Variants in KAZN observed in about 807,000 individuals in gnomAD.
The protein encoded by KAZN is kazrin, periplakin interacting protein.
Under a neutral mutation model 87.4 loss-of-function variants are expected in KAZN, and 40 were observed. The observed-to-expected ratio is 0.46, with a 90% CI of 0.36 to 0.60. The LOEUF is 0.60. Ranked by LOEUF, KAZN falls within the 20% of genes least tolerant of loss-of-function variation. The pLI is 0.00. For synonymous variants in KAZN, 466 were observed against 458.3 expected, an observed-to-expected ratio of 1.02 and a Z score of -0.22; for missense variants, 898 against 1,073.9, an observed-to-expected ratio of 0.84 and a Z score of 2.29.
intron 2 of KAZN, among the ~76,000 whole-genome samples, chr1:14,216,797 A>G (rs1011523621): frequency 1.3e-5 from 2 of 152,038 alleles, no homozygotes; most frequent in Admixed American, 6.6e-5. Context: ...CCAGCTACTC[A>G]GGAGGCTGAG....
chr1:14,682,824 G>T (rs188218246), intron 1 of KAZN, among the ~76,000 whole-genome samples: 1 of 152,182 alleles, frequency 6.6e-6, no homozygotes. Context: ...TCCACACAAG[G>T]TAGATGCTAC....
chr1:14,997,871 GGCA>G (rs1473184904), intron 2 of KAZN, among the ~76,000 whole-genome samples: 1 of 152,164 alleles, frequency 6.6e-6, no homozygotes, highest in East Asian at 1.9e-4. Context: ...TGTGGCTTTG[GGCA>G]AGTTGCTTAA....
At chr1:14,157,609 C>A (rs11587477) in intron 1 of KAZN, among the ~76,000 whole-genome samples, 71,211 of 151,888 alleles carry the variant, frequency 0.47, 17,007 homozygotes, top group African/African-American at 0.56. Context: ...TATTGGGGCC[C>A]CATTGTATGT....
intron 1 of KAZN, among the ~76,000 whole-genome samples, chr1:14,615,358 C>T (rs768346897): frequency 7.2e-5 from 11 of 152,108 alleles, no homozygotes; most frequent in African/African-American, 2.4e-4. Context: ...GGCATGGTGG[C>T]GCTCAACACC....
chr1:14,326,223 C>A (rs1435785551), intron 2 of KAZN, among the ~76,000 whole-genome samples: 2 of 152,162 alleles, frequency 1.3e-5, no homozygotes, highest in Non-Finnish European at 2.9e-5. Context: ...CGAGTTCCCA[C>A]CACCAACACA....
intron 1 of KAZN, among the ~76,000 whole-genome samples, chr1:14,114,281 G>A (rs1003544912): frequency 1.3e-5 from 2 of 152,132 alleles, no homozygotes; most frequent in African/African-American, 2.4e-5. Flanking sequence ...TGCTGCGTGG[G>A]GGGCCGGCAT....
At chr1:15,103,912 C>T (rs1246091642) in intron 12 of KAZN, 111 bp from the exon 13 acceptor site, 5 of 1,121,958 alleles carry the variant, frequency 4.5e-6, no homozygotes, top group Non-Finnish European at 6.3e-6. Flanking sequence ...AACTGGTCCC[C>T]AGGGGGTCAA....
intron 4 of KAZN, among the ~76,000 whole-genome samples, chr1:15,055,054 T>A (rs1674805403): frequency 6.6e-6 from 1 of 152,260 alleles, no homozygotes; most frequent in Non-Finnish European, 1.5e-5. Flanking sequence ...TGGCAAAACC[T>A]TGTGACAGGG....
chr1:14,376,859 A>G (rs901044463), intron 2 of KAZN, among the ~76,000 whole-genome samples: 2 of 152,224 alleles, frequency 1.3e-5, no homozygotes, highest in Non-Finnish European at 2.9e-5. Flanking sequence ...GGCAGCAACA[A>G]CAAACTAAAA....
At chr1:14,161,671 G>T (rs1423938492) in intron 1 of KAZN, among the ~76,000 whole-genome samples, 1 of 152,166 alleles carries the variant, frequency 6.6e-6, no homozygotes, top group African/African-American at 2.4e-5. Flanking sequence ...ATCCAAGGGT[G>T]TGAATACCAG....
chr1:14,617,249 T>A (rs1003439528), intron 1 of KAZN, among the ~76,000 whole-genome samples: 2 of 152,196 alleles, frequency 1.3e-5, no homozygotes, highest in African/African-American at 4.8e-5. Flanking sequence ...AAAGCAAATA[T>A]CGAAATAAAG....
intron 2 of KAZN, among the ~76,000 whole-genome samples, chr1:14,457,803 TTTG>T (rs1339610458): frequency 6.6e-6 from 1 of 151,854 alleles, no homozygotes; most frequent in Non-Finnish European, 1.5e-5. Context: ...AATATTCTTT[TTTG>T]TTGTTGTTTT....
At chr1:14,113,883 G>A (rs1194569270) in intron 1 of KAZN, among the ~76,000 whole-genome samples, 1 of 152,236 alleles carries the variant, frequency 6.6e-6, no homozygotes, top group East Asian at 1.9e-4. Context: ...CGCCAGTGGG[G>A]CATCTACTGG....
intron 2 of KAZN, among the ~76,000 whole-genome samples, chr1:14,234,353 A>G (rs957744154): frequency 2.7e-5 from 4 of 148,030 alleles, no homozygotes; most frequent in African/African-American, 9.8e-5. Context: ...GAGTTGAACA[A>G]TGAGAACACA....
chr1:14,459,876 T>C (rs751328789), intron 2 of KAZN, among the ~76,000 whole-genome samples: 4 of 152,190 alleles, frequency 2.6e-5, no homozygotes, highest in Non-Finnish European at 5.9e-5. Flanking sequence ...CATGTTTTAA[T>C]TTCTGTGGGA....
chr1:14,306,286 G>A (rs945913620), intron 2 of KAZN, among the ~76,000 whole-genome samples: 2 of 152,192 alleles, frequency 1.3e-5, no homozygotes, highest in African/African-American at 2.4e-5. Flanking sequence ...CTCTGAAAGG[G>A]TATTTGGTAA....
At chr1:14,382,458 TCCCTCCC>T (rs554216930) in intron 2 of KAZN, among the ~76,000 whole-genome samples, 5 of 38,006 alleles carry the variant, frequency 1.3e-4, no homozygotes, top group Non-Finnish European at 2.3e-4. Context: ...CCCAATGCTA[TCCCTCCC>T]CCCTCCCCCC....
chr1:14,557,668 T>TG lies in KAZN; in HGVS notation c.250-41314dup, dbSNP rs1258963960. ...TGTGTGTGTGTGTGTGTGTGTGTGG[T>TG]GTGTGAGAGAGAGAGAGAGAGAGAG... is the stretch of plus-strand genomic sequence containing the variant. On this transcript the variant is annotated intron_variant, in intron 2 of 16. Coordinates refer to the KAZN transcript ENST00000636203. Among the ~76,000 whole-genome samples, 3 of 125,472 alleles carry TG rather than the reference T, an allele frequency of 2.4e-5. No individual in the cohort carries two copies. The East Asian group carries it at 7.7e-4, about 32-fold the overall frequency. The allele number at this position is 125,472 out of a possible 152,430, so 82.3% of individuals were successfully genotyped here.
chr1:15,082,548 G>A (rs1640055930), intron 8 of KAZN, among the ~76,000 whole-genome samples: 1 of 152,232 alleles, frequency 6.6e-6, no homozygotes, highest in South Asian at 2.1e-4. Flanking sequence ...CATAGCTGCT[G>A]CCAAGGGTGT....
Sources: gnomAD v4.1 joint callset for allele counts (sites outside exome capture counted in the v4.1 genomes callset) on GRCh38, gnomAD v4.1.1 for gene constraint, MANE v1.5 for transcripts, NCBI Gene and HGNC (gene_info 2026-07-23, HGNC 2026-07-21) for gene names.